The following ARID4B variants were observed in gnomAD, a reference collection of about 807,000 sequenced individuals.
ARID4B encodes AT-rich interaction domain 4B.
A neutral mutation model predicts 147.5 loss-of-function variants in ARID4B; 26 were observed. That is an observed-to-expected ratio of 0.18 (90% CI 0.13 to 0.24). The LOEUF is 0.24. Among genes scored for constraint, ARID4B ranks in the 10% least tolerant of loss-of-function variants. ARID4B has a pLI of 1.00. For missense variants in ARID4B, 1,179 were observed against 1,511.5 expected (o/e 0.78, Z 3.65); for synonymous variants, 512 against 507.9 (o/e 1.01, Z -0.11).
chr1:235,247,727 G>A (rs142021269), intron 6 of ARID4B, among the ~76,000 whole-genome samples: 1,560 of 152,170 alleles, frequency 0.01, 24 homozygotes, highest in African/African-American at 0.033. Context: ...AGTGACTCAC[G>A]CCTATAATCC....
chr1:235,304,731 T>C (rs1329329068), intron 2 of ARID4B, among the ~76,000 whole-genome samples: 2 of 152,198 alleles, frequency 1.3e-5, no homozygotes, highest in Non-Finnish European at 2.9e-5. Context: ...GTGGTTACCT[T>C]GGAGACTACC....
chr1:235,309,917 T>C (rs1233620416), intron 2 of ARID4B, among the ~76,000 whole-genome samples: 1 of 152,176 alleles, frequency 6.6e-6, no homozygotes, highest in African/African-American at 2.4e-5. Flanking sequence ...CTGTGTCCAC[T>C]CAGGGTTAAA....
chr1:235,318,710 A>C (rs1674613407), intron 2 of ARID4B, among the ~76,000 whole-genome samples: 1 of 151,958 alleles, frequency 6.6e-6, no homozygotes. Context: ...GTGAGACTTC[A>C]CTACTACAAA....
chr1:235,304,879 C>T (rs974090429), intron 2 of ARID4B, among the ~76,000 whole-genome samples: 2 of 152,140 alleles, frequency 1.3e-5, no homozygotes, highest in Non-Finnish European at 2.9e-5. Context: ...ATAGTAAATA[C>T]TAATCTCATT....
At chr1:235,318,168 C>CTTTTTTTTTT in intron 2 of ARID4B, among the ~76,000 whole-genome samples, 1 of 111,988 alleles carries the variant, frequency 8.9e-6, no homozygotes, top group Non-Finnish European at 1.7e-5. Flanking sequence ...CTTGCTACTC[C>CTTTTTTTTTT]TTTTTTTTTT....
At chr1:235,267,437 TAC>T (rs1670673762) in intron 2 of ARID4B, among the ~76,000 whole-genome samples, 1 of 152,138 alleles carries the variant, frequency 6.6e-6, no homozygotes, top group African/African-American at 2.4e-5. Flanking sequence ...GAACAAAATA[TAC>T]TTGCATTTAT....
intron 6 of ARID4B, among the ~76,000 whole-genome samples, chr1:235,251,521 T>C (rs1669643475): frequency 1.3e-5 from 2 of 152,082 alleles, no homozygotes; most frequent in South Asian, 4.1e-4. Context: ...ATTCAATCAT[T>C]AAGAGAAGCA....
Position 235,231,136 on chromosome 1 carries a change from T to G in ARID4B, c.719A>C (p.Lys240Thr), listed in dbSNP as rs1668200625. 1.3e-6 allele frequency: 2 copies of G among 1,592,816 alleles called. No homozygotes were observed. The highest frequency in any genetic ancestry group is 1.7e-6 in the Non-Finnish European group (2 of 1,170,352). The change falls in exon 10 of 24, where the codon AAG becomes ACG. Residue 240 changes from lysine to threonine, a missense_variant. Physicochemically the swap from Lys to Thr is moderately conservative, Grantham distance 78. Around this residue, in one of 10 missense-constraint regions of ARID4B, gnomAD observed 159 missense variants for 190.5 expected, o/e 0.83. Transcript: ENST00000264183. ...VHEITSDTAP[K>T]PDAVLKQAFE... is the part of the protein sequence containing the mutation. ...ACCTTGCTTTAAAACAGCATCAGGC[T>G]TTGGTGCAGTGTCACTAGTAATTTC...
At chr1:235,245,818 ATAT>A (rs1446850803) in intron 7 of ARID4B, among the ~76,000 whole-genome samples, 3 of 152,198 alleles carry the variant, frequency 2.0e-5, no homozygotes, top group Non-Finnish European at 4.4e-5. Flanking sequence ...GAGATAGGTA[ATAT>A]TATTATCCAA....
intron 2 of ARID4B, among the ~76,000 whole-genome samples, chr1:235,296,840 A>AG (rs755555236): frequency 0.58 from 11,953 of 20,474 alleles, 2,933 homozygotes; most frequent in Middle Eastern, 0.62. Flanking sequence ...GAAGGAAGGG[A>AG]GGAAGGAGGG....
intron 2 of ARID4B, among the ~76,000 whole-genome samples, chr1:235,284,905 TA>T (rs1395701041): frequency 2.3e-5 from 3 of 132,846 alleles, no homozygotes; most frequent in Non-Finnish European, 5.1e-5. Flanking sequence ...AAACAATATA[TA>T]TATATTTTTT....
intron 19 of ARID4B, among the ~76,000 whole-genome samples, chr1:235,186,654 C>T (rs970766136): frequency 2.0e-5 from 3 of 152,036 alleles, no homozygotes; most frequent in Admixed American, 1.3e-4. Flanking sequence ...CCACCTGCCT[C>T]GGCCTCCCAA....
intron 18 of ARID4B, among the ~76,000 whole-genome samples, chr1:235,194,759 C>T (rs777516519): frequency 4.6e-5 from 7 of 151,968 alleles, no homozygotes; most frequent in Admixed American, 2.6e-4. Flanking sequence ...ATGGAGGTTG[C>T]GGTGAGCCAA....
In ARID4B at chr1:235,283,608, A is replaced by T. The variant is rs191501579; in HGVS notation, c.7-22856T>A. The stretch of plus-strand genomic sequence containing the variant: ...TGCTTTATGTTCATTATTAAATTAT[A>T]AAATTATTAATATTAAGTACTATTA... On this transcript the variant is annotated intron_variant, in intron 2 of 23. Transcript: ENST00000264183. Among the ~76,000 whole-genome samples the T allele has an allele frequency of 3.3e-5, 5 of 152,210 alleles. No individual in the cohort carries two copies. In the East Asian group the frequency reaches 9.6e-4, roughly 29 times the overall value.
chr1:235,203,805 AC>A (rs774122844), intron 17 of ARID4B, among the ~76,000 whole-genome samples: 1 of 152,190 alleles, frequency 6.6e-6, no homozygotes, highest in Non-Finnish European at 1.5e-5. Context: ...ATAGAAAAAA[AC>A]ACCAAGTCAA....
intron 2 of ARID4B, among the ~76,000 whole-genome samples, chr1:235,307,465 A>C (rs906226113): frequency 6.6e-6 from 1 of 152,194 alleles, no homozygotes; most frequent in African/African-American, 2.4e-5. Flanking sequence ...AAGAAAAAGG[A>C]AAAAGAAAAG....
chr1:235,310,184 T>G (rs1013105413), intron 2 of ARID4B, among the ~76,000 whole-genome samples: 70 of 149,292 alleles, frequency 4.7e-4, no homozygotes, highest in African/African-American at 1.6e-3. Context: ...TAAAAAAAAA[T>G]AAAAAAAAAG....
chr1:235,226,364 T>C (rs1667828914), intron 11 of ARID4B, among the ~76,000 whole-genome samples: 1 of 152,054 alleles, frequency 6.6e-6, no homozygotes, highest in African/African-American at 2.4e-5. Context: ...TCTTTTTTTG[T>C]TTTGTCTTGT....
chr1:235,215,008 A>AT (rs1277714767), intron 16 of ARID4B, among the ~76,000 whole-genome samples: 5 of 150,740 alleles, frequency 3.3e-5, no homozygotes, highest in Non-Finnish European at 7.4e-5. Flanking sequence ...CACCCAGCTA[A>AT]TTTTTTTTGT....
Sources: gnomAD v4.1 joint callset for allele counts (sites outside exome capture counted in the v4.1 genomes callset) on GRCh38, gnomAD v4.1.1 for gene constraint, gnomAD v4.1.1 regional missense constraint, MANE v1.5 for transcripts, NCBI Gene and HGNC (gene_info 2026-07-23, HGNC 2026-07-21) for gene names.